Variants in SEPTIN7 observed in about 807,000 individuals in gnomAD.
SEPTIN7 encodes septin 7.
SEPTIN7 carries 10 observed loss-of-function variants against 63.3 expected under a neutral mutation model. The observed-to-expected ratio is 0.16, with a 90% confidence interval of 0.10 to 0.27. SEPTIN7 has a LOEUF of 0.27. Ranked by LOEUF, SEPTIN7 falls within the 10% of genes least tolerant of loss-of-function variation. SEPTIN7 has a pLI of 1.00. For missense variants in SEPTIN7, 310 were observed against 521.0 expected (o/e 0.59, Z 3.94); for synonymous variants, 131 against 165.3 (o/e 0.79, Z 1.59).
At chr7:35,861,149 G>A (rs1785485237) in intron 3 of SEPTIN7, among the ~76,000 whole-genome samples, 1 of 151,970 alleles carries the variant, frequency 6.6e-6, no homozygotes, top group African/African-American at 2.4e-5. Flanking sequence ...TCTACAGTTT[G>A]TTTTTATAAT....
intron 1 of SEPTIN7, among the ~76,000 whole-genome samples, chr7:35,814,884 G>A (rs1788949198): frequency 6.6e-6 from 1 of 150,988 alleles, no homozygotes; most frequent in Admixed American, 6.6e-5. Context: ...CTGAGGCAGG[G>A]GAATGGCCTA....
intron 12 of SEPTIN7, 194 bp from the exon 13 acceptor site, chr7:35,902,882 C>T: frequency 1.5e-6 from 1 of 687,936 alleles, no homozygotes. Flanking sequence ...TGTCTTGGGT[C>T]ACTGGCCTTT....
chr7:35,869,464 TTCA>T, intron 4 of SEPTIN7, among the ~76,000 whole-genome samples: 1 of 152,344 alleles, frequency 6.6e-6, no homozygotes, highest in East Asian at 1.9e-4. Flanking sequence ...TTCCAATGTC[TTCA>T]GAGTTTTGGC....
intron 1 of SEPTIN7, among the ~76,000 whole-genome samples, chr7:35,818,690 T>TTTTGGTAG (rs1320384160): frequency 2.0e-5 from 3 of 152,036 alleles, no homozygotes; most frequent in Non-Finnish European, 4.4e-5. Context: ...CTTGAGTCAG[T>TTTTGGTAG]TTTGGTAGTT....
intron 1 of SEPTIN7, among the ~76,000 whole-genome samples, chr7:35,827,381 G>A (rs1403824806): frequency 6.6e-6 from 1 of 152,178 alleles, no homozygotes; most frequent in Non-Finnish European, 1.5e-5. Flanking sequence ...AAAAGAATCA[G>A]TGGGTGGTTA....
downstream of SEPTIN7, among the ~76,000 whole-genome samples, chr7:35,911,274 C>T (rs1788735946): frequency 6.6e-6 from 1 of 152,194 alleles, no homozygotes; most frequent in South Asian, 2.1e-4. Flanking sequence ...AACAATTATA[C>T]TTATTGGGCA....
intron 1 of SEPTIN7, among the ~76,000 whole-genome samples, chr7:35,825,046 C>T (rs1783430140): frequency 6.6e-6 from 1 of 152,080 alleles, no homozygotes; most frequent in Non-Finnish European, 1.5e-5. Flanking sequence ...TCCTTACTAC[C>T]TCTATCTTGG....
intron 4 of SEPTIN7, among the ~76,000 whole-genome samples, chr7:35,870,626 G>A (rs973592990): frequency 1.3e-5 from 2 of 152,064 alleles, no homozygotes; most frequent in Non-Finnish European, 2.9e-5. Context: ...AGATTTGACT[G>A]GGTTGTCCTT....
rs113291458 is a variant in SEPTIN7 at position 35,905,489 on chromosome 7, A to C, written c.*1196A>C. 3.3e-5 allele frequency: 5 copies of C among 151,876 alleles called. No homozygotes were observed. The highest frequency in any genetic ancestry group is 1.9e-4 in the East Asian group (1 of 5,170). The allele number at this position is 151,876 out of a possible 1,614,324, so 9.4% of individuals were successfully genotyped here. On this transcript the variant is annotated 3_prime_UTR_variant, in exon 14 of 14. Transcript: ENST00000350320. The stretch of plus-strand genomic sequence containing the variant: ...ATACCATATCTCTCTATTCATTTCT[A>C]TCTCTCATTTGTATGCTTATTTTTC...
At chr7:35,871,610 A>C (rs1309815090) in intron 4 of SEPTIN7, among the ~76,000 whole-genome samples, 3 of 152,202 alleles carry the variant, frequency 2.0e-5, no homozygotes, top group Admixed American at 2.0e-4. Flanking sequence ...CAGCAATCTT[A>C]GTCTCCGCAT....
chr7:35,871,209 A>G (rs1786128744), intron 4 of SEPTIN7, among the ~76,000 whole-genome samples: 1 of 152,240 alleles, frequency 6.6e-6, no homozygotes, highest in Non-Finnish European at 1.5e-5. Context: ...TTAAAAGATA[A>G]GAATTTGGCA....
the SEPTIN7 span, among the ~76,000 whole-genome samples, chr7:35,915,160 C>CAT: frequency 6.6e-6 from 1 of 151,764 alleles, no homozygotes; most frequent in African/African-American, 2.4e-5. Context: ...TACATGTGTA[C>CAT]ATATATATAC....
chr7:35,858,150 G>C (rs1350744015), intron 3 of SEPTIN7, among the ~76,000 whole-genome samples: 1 of 151,812 alleles, frequency 6.6e-6, no homozygotes, highest in Non-Finnish European at 1.5e-5. Flanking sequence ...TTGCCATGTT[G>C]CCCAGGCCTG....
intron 10 of SEPTIN7, among the ~76,000 whole-genome samples, chr7:35,888,303 A>G (rs1787397910): frequency 2.0e-5 from 3 of 152,358 alleles, no homozygotes; most frequent in South Asian, 4.1e-4. Flanking sequence ...ATAACCTGAA[A>G]AAATCAGAAT....
intron 4 of SEPTIN7, among the ~76,000 whole-genome samples, chr7:35,866,968 C>A (rs1785844098): frequency 6.6e-6 from 1 of 152,134 alleles, no homozygotes; most frequent in Non-Finnish European, 1.5e-5. Context: ...ATTTGTATTT[C>A]TATTTAGTTC....
intron 1 of SEPTIN7, among the ~76,000 whole-genome samples, chr7:35,823,861 C>CTT (rs567513786): frequency 1.3e-5 from 2 of 151,372 alleles, no homozygotes; most frequent in African/African-American, 2.4e-5. Flanking sequence ...CTTCTCTTCT[C>CTT]TTTTTTTTTG....
At chr7:35,873,575 C>CT (rs1429245994) in intron 5 of SEPTIN7, 66 bp from the exon 6 acceptor site, 34 of 1,486,066 alleles carry the variant, frequency 2.3e-5, no homozygotes, top group Non-Finnish European at 2.8e-5. Context: ...GATTATTGTC[C>CT]TTTAACAGTC....
intron 3 of SEPTIN7, among the ~76,000 whole-genome samples, chr7:35,842,772 C>G (rs1432378515): frequency 1.3e-5 from 2 of 152,104 alleles, no homozygotes; most frequent in Non-Finnish European, 2.9e-5. Context: ...CAGTACATAA[C>G]TTTTTTCCTA....
chr7:35,835,116 T>A (rs562237790), intron 3 of SEPTIN7, among the ~76,000 whole-genome samples: 51 of 152,178 alleles, frequency 3.4e-4, no homozygotes, highest in Admixed American at 1.2e-3. Context: ...TTAAAGGAGC[T>A]TCTGATTTAT....
Sources: allele counts gnomAD v4.1 joint callset (sites outside exome capture counted in the v4.1 genomes callset), GRCh38; gene constraint gnomAD v4.1.1; transcripts MANE v1.5; gene names NCBI Gene and HGNC (gene_info 2026-07-23, HGNC 2026-07-21).